The following CTNNA2 variants were observed in gnomAD, a reference collection of about 807,000 sequenced individuals.
The protein encoded by CTNNA2 is catenin alpha-2.
A neutral mutation model predicts 101.0 loss-of-function variants in CTNNA2; 42 were observed. That is an observed-to-expected ratio of 0.42 (90% CI 0.32 to 0.54). CTNNA2 has a LOEUF of 0.54. CTNNA2 is among the 20% of genes least tolerant of loss of function. The probability of loss-of-function intolerance (pLI) is 0.14; values close to 1 mark genes in which losing one functional copy is unlikely to be tolerated. For synonymous variants in CTNNA2, 450 were observed against 456.4 expected (o/e 0.99, Z 0.18); for missense variants, 871 against 1,223.1 (o/e 0.71, Z 4.29).
intron 7 of CTNNA2, among the ~76,000 whole-genome samples, chr2:79,944,632 A>C (rs2104468360): frequency 6.6e-6 from 1 of 152,316 alleles, no homozygotes; most frequent in East Asian, 1.9e-4. Flanking sequence ...CTTGAAAGTG[A>C]TTGCAACAAA....
rs565795838 is a variant in CTNNA2 at position 80,177,328 on chromosome 2, G to A, written c.1057-215883G>A. ...GGCAAATCCATATCTGGAGTAAGTC[G>A]ATTCCGGTGAGGACAAATTGCTGCC... On this transcript the variant is annotated intron_variant, in intron 7 of 18. Transcript: ENST00000402739. 7.2e-5 allele frequency among the ~76,000 whole-genome samples: 11 copies of A among 152,258 alleles called. No individual in the cohort carries two copies. The South Asian group carries it at 1.7e-3, about 23-fold the overall frequency.
At chr2:79,442,672 T>C (rs188794279) in intron 4 of CTNNA2, among the ~76,000 whole-genome samples, 1 of 152,324 alleles carries the variant, frequency 6.6e-6, no homozygotes, top group Admixed American at 6.5e-5. Context: ...AATTCCTTTC[T>C]TTTTTACCCT....
intron 1 of CTNNA2, among the ~76,000 whole-genome samples, chr2:79,551,996 T>C (rs1320206406): frequency 6.6e-6 from 1 of 152,022 alleles, no homozygotes; most frequent in East Asian, 1.9e-4. Context: ...CCCTCCCAAA[T>C]CTTATATTCT....
chr2:80,414,845 C>A (rs1260992869), intron 8 of CTNNA2, among the ~76,000 whole-genome samples: 2 of 152,098 alleles, frequency 1.3e-5, no homozygotes, highest in African/African-American at 4.8e-5. Flanking sequence ...GGGAGGCATT[C>A]CTCAAACTTT....
At chr2:79,936,879 C>T (rs960992570) in intron 7 of CTNNA2, among the ~76,000 whole-genome samples, 1 of 152,146 alleles carries the variant, frequency 6.6e-6, no homozygotes, top group Non-Finnish European at 1.5e-5. Flanking sequence ...TTATCTCCTC[C>T]CCACACTCAC....
Position 80,303,063 on chromosome 2 carries a change from C to G in CTNNA2, c.1057-90148C>G. On this transcript the variant is annotated intron_variant, in intron 7 of 18. Coordinates refer to ENST00000402739, the MANE Select transcript of CTNNA2 (RefSeq NM_001282597.3). This position sits in a 1 kb window ranked among gnomAD's most constrained non-coding sequence, Gnocchi z 7.7. ...ATTTTCTCCAGGTTCCAAACCCAGT[C>G]CAGCGAGCTGACCACAATGGCCACC... The G allele has an allele frequency of 1.9e-6, 3 of 1,613,978 alleles. No homozygotes were observed. Among genetic ancestry groups the G allele is most frequent in the Non-Finnish European group, 2.5e-6 (3 of 1,180,028 alleles).
chr2:79,999,266 T>C (rs1332691153), intron 7 of CTNNA2, among the ~76,000 whole-genome samples: 1 of 152,178 alleles, frequency 6.6e-6, no homozygotes, highest in Non-Finnish European at 1.5e-5. Flanking sequence ...GTCTTTACCA[T>C]TGTCCTGCTG....
At chr2:79,634,273 A>T (rs1558788385) in intron 1 of CTNNA2, among the ~76,000 whole-genome samples, 1 of 151,938 alleles carries the variant, frequency 6.6e-6, no homozygotes, top group Non-Finnish European at 1.5e-5. Flanking sequence ...TCAAGTTCTG[A>T]TTTTTTTTCC....
Position 80,171,464 on chromosome 2 carries a change from G to C in CTNNA2, c.1057-221747G>C, listed in dbSNP as rs1705050862. 2.0e-5 allele frequency among the ~76,000 whole-genome samples: 3 copies of C among 152,190 alleles called. No homozygotes were observed. The South Asian group carries it at 6.2e-4, about 32-fold the overall frequency. The stretch of plus-strand genomic sequence containing the variant: ...CATTGTGGACAGTTTCTTAGACAGT[G>C]ATTTCTTAGGGTATCTGTTAAGATA... On this transcript the variant is annotated intron_variant, in intron 7 of 18. Transcript: ENST00000402739.
intron 7 of CTNNA2, among the ~76,000 whole-genome samples, chr2:79,999,069 T>C (rs1692749638): frequency 6.7e-6 from 1 of 149,584 alleles, no homozygotes. Context: ...TCTAATTCCA[T>C]ATTAAAAAAA....
intron 7 of CTNNA2, among the ~76,000 whole-genome samples, chr2:80,230,380 GC>G (rs1250182191): frequency 1.3e-5 from 2 of 151,062 alleles, no homozygotes; most frequent in African/African-American, 4.9e-5. Flanking sequence ...GTAGGTGTAA[GC>G]CACTGCACTG....
intron 7 of CTNNA2, among the ~76,000 whole-genome samples, chr2:80,166,542 T>C (rs1704707938): frequency 6.6e-6 from 1 of 152,152 alleles, no homozygotes; most frequent in Admixed American, 6.5e-5. Context: ...CTTATTCATC[T>C]CTTCTATTTG....
intron 2 of CTNNA2, among the ~76,000 whole-genome samples, chr2:79,256,921 T>C (rs1249857408): frequency 1.3e-5 from 2 of 150,800 alleles, no homozygotes; most frequent in African/African-American, 5.0e-5. Flanking sequence ...TGTTAGTTGA[T>C]ATGATATTAT....
chr2:79,464,848 AGTTT>A (rs1199364582), intron 4 of CTNNA2, among the ~76,000 whole-genome samples: 1 of 151,324 alleles, frequency 6.6e-6, no homozygotes, highest in African/African-American at 2.4e-5. Context: ...TTTTCTTGCA[AGTTT>A]GTTTAAGTTC....
intron 7 of CTNNA2, among the ~76,000 whole-genome samples, chr2:80,212,525 G>A (rs902981640): frequency 2.6e-5 from 4 of 152,122 alleles, no homozygotes; most frequent in Non-Finnish European, 5.9e-5. Context: ...TATGTTTATT[G>A]ATTTGCATAT....
intron 2 of CTNNA2, among the ~76,000 whole-genome samples, chr2:79,666,856 T>A (rs1682454860): frequency 6.6e-6 from 1 of 152,174 alleles, no homozygotes; most frequent in Admixed American, 6.5e-5. Context: ...AGAGTACATC[T>A]CCAGTTCACC....
At chr2:79,388,375 C>G (rs528674394) in intron 4 of CTNNA2, among the ~76,000 whole-genome samples, 1 of 152,104 alleles carries the variant, frequency 6.6e-6, no homozygotes, top group Non-Finnish European at 1.5e-5. Flanking sequence ...GATTCGCTGG[C>G]CAGAACTAGC....
chr2:80,390,898 G>A (rs1454016753), intron 7 of CTNNA2, among the ~76,000 whole-genome samples: 1 of 152,110 alleles, frequency 6.6e-6, no homozygotes. Flanking sequence ...TAGGGAGGCT[G>A]ACGTGGGTGG....
chr2:80,242,936 A>T (rs1671051858), intron 7 of CTNNA2, among the ~76,000 whole-genome samples: 1 of 152,134 alleles, frequency 6.6e-6, no homozygotes, highest in Non-Finnish European at 1.5e-5. Flanking sequence ...AGGCGGAGGG[A>T]GCAGCAAAGG....
Sources: gnomAD v4.1 joint callset for allele counts (sites outside exome capture counted in the v4.1 genomes callset) on GRCh38, gnomAD v4.1.1 for gene constraint, Gnocchi (gnomAD v3.1) non-coding constraint, MANE v1.5 for transcripts, NCBI Gene and HGNC (gene_info 2026-07-23, HGNC 2026-07-21) for gene names.